DBH: variants seen among roughly 807,000 people sequenced by gnomAD.
DBH encodes dopamine beta-hydroxylase (dopamine beta-monooxygenase).
In DBH, 49 loss-of-function variants were observed where a neutral mutation model predicts 64.0. The observed-to-expected ratio is 0.77, with a 90% CI of 0.61 to 0.97. DBH has a LOEUF of 0.97. DBH is among the 50% of genes least tolerant of loss of function. The pLI is 0.00. For synonymous variants in DBH, 343 were observed against 347.1 expected (o/e 0.99, Z 0.13); for missense variants, 828 against 826.6 (o/e 1.00, Z -0.02).
intron 9 of DBH, chr9:133,655,219 C>T (rs1832301157): frequency 6.6e-6 from 1 of 152,278 alleles, no homozygotes; most frequent in Admixed American, 6.5e-5. Context: ...GGGCAGCTCC[C>T]CAGGTGGACC....
chr9:133,639,931 GCCTGAC>G lies in DBH; in HGVS notation c.430_435del (p.Thr144_Leu145del). Reference sequence around the variant, plus strand: ...CTGCAGGTGCAGAGGACCCCAGAAGGCCTGACCCTGCTTTTCAAGAGGCCCTTTGGC... The same window carrying G: ...CTGCAGGTGCAGAGGACCCCAGAAGGCCTGCTTTTCAAGAGGCCCTTTGGC... On this transcript the variant is annotated inframe_deletion, in exon 2 of 12. Transcript: ENST00000393056. 1 of 1,613,840 alleles carries G rather than the reference GCCTGAC, an allele frequency of 6.2e-7. No individual in the cohort carries two copies. The highest frequency in any genetic ancestry group is 8.5e-7 in the Non-Finnish European group (1 of 1,179,964).
intron 3 of DBH, among the ~76,000 whole-genome samples, chr9:133,642,974 G>T (rs1425528188): frequency 1.3e-5 from 2 of 152,170 alleles, no homozygotes; most frequent in Non-Finnish European, 2.9e-5. Context: ...TGAGTGTCCA[G>T]GGTCACATAG....
chr9:133,643,285 G>A lies in DBH; in HGVS notation c.745-128G>A. On this transcript the variant is annotated intron_variant, in intron 3 of 11. Coordinates refer to ENST00000393056, the MANE Select transcript of DBH (RefSeq NM_000787.4). The surrounding 1 kb of genome is among the most constrained non-coding windows in gnomAD (Gnocchi z 5.3). Reference sequence around the variant, plus strand: ...CCTCAAGGCTGTGAACCCCAGAAGTGCCCCTGAAATTGTCTGGATCATCCC... The same window carrying A: ...CCTCAAGGCTGTGAACCCCAGAAGTACCCCTGAAATTGTCTGGATCATCCC... 1 of 954,642 alleles carries A rather than the reference G, an allele frequency of 1.0e-6. No homozygotes were observed. 59.1% of individuals were successfully genotyped at this position (954,642 alleles called of 1,614,324 possible).
chr9:133,642,062 A>C, intron 2 of DBH, 145 bp from the exon 3 acceptor site: 1 of 1,171,046 alleles, frequency 8.5e-7, no homozygotes, highest in African/African-American at 1.5e-5. Context: ...AGGGCCATGC[A>C]AGCCTCAAGG....
intron 8 of DBH, 73 bp downstream of exon 8, chr9:133,652,357 C>T: frequency 6.4e-7 from 1 of 1,551,520 alleles, no homozygotes; most frequent in Non-Finnish European, 8.8e-7. Flanking sequence ...GGGGGTGCCA[C>T]CAGAAGGAGA....
intron 2 of DBH, among the ~76,000 whole-genome samples, chr9:133,641,012 T>G (rs1002355755): frequency 2.0e-5 from 3 of 152,112 alleles, no homozygotes; most frequent in Non-Finnish European, 4.4e-5. Context: ...ATTGGCCTGG[T>G]GTGTGACAGT....
intron 5 of DBH, among the ~76,000 whole-genome samples, chr9:133,645,902 G>GTT (rs1832175703): frequency 6.6e-6 from 1 of 152,168 alleles, no homozygotes; most frequent in Admixed American, 6.5e-5. Context: ...TTCCATGAAA[G>GTT]GGGTAGGTTA....
At position 133,643,424 on chromosome 9, in the gene DBH, C is replaced by G; in HGVS notation, c.756C>G (p.Ile252Met). Residue 252 changes from isoleucine (I) to methionine (M), a missense_variant, in exon 4 of 12, where the codon ATC becomes ATG. Physicochemically the swap from Ile to Met is conservative, Grantham distance 10 (BLOSUM62 1). Transcript: ENST00000393056. This position sits in a 1 kb window ranked among gnomAD's most constrained non-coding sequence, Gnocchi z 5.3. Reference sequence around the variant, plus strand: ...CTGCCTCCTCACAGTACGAGCCCATCGTCACCAAGGGCAATGAGGCCCTTG... The same window carrying G: ...CTGCCTCCTCACAGTACGAGCCCATGGTCACCAAGGGCAATGAGGCCCTTG... The part of the protein sequence containing the change: ...SRHHIIKYEP[I>M]VTKGNEALVH... The G allele has an allele frequency of 1.2e-6, 2 of 1,613,862 alleles. No homozygotes were observed. The highest frequency in any genetic ancestry group is 2.7e-5 in the African/African-American group (2 of 75,030).
In DBH at chr9:133,642,468, C is replaced by G. The variant is rs201256789; in HGVS notation, c.744+4C>G. On this transcript the variant is annotated splice_donor_region_variant and intron_variant, in intron 3 of 11. Coordinates refer to ENST00000393056, the MANE Select transcript of DBH (RefSeq NM_000787.4). ...CTCTCGGCACCACATTATCAAGGTA[C>G]GTGCGGGTCCAGGGCCGAGGTCCTC... is the stretch of plus-strand genomic sequence containing the variant. The G allele has an allele frequency of 6.2e-7, 1 of 1,603,938 alleles. No individual in the cohort carries two copies. Among genetic ancestry groups the G allele is most frequent in the Non-Finnish European group, 8.5e-7 (1 of 1,175,394 alleles).
chr9:133,655,778 G>T (rs1318883960), intron 9 of DBH: 2 of 152,508 alleles, frequency 1.3e-5, no homozygotes, highest in South Asian at 2.1e-4. Context: ...GCTGCCGGGG[G>T]AGCTTTGCTC....
chr9:133,653,141 A>G (rs1832272254), intron 9 of DBH, 142 bp downstream of exon 9: 2 of 727,190 alleles, frequency 2.8e-6, no homozygotes, highest in South Asian at 3.0e-5. Flanking sequence ...AGCTCCCTGA[A>G]CCACAGTGGC....
intron 1 of DBH, 149 bp from the exon 2 acceptor site, chr9:133,639,697 C>A: frequency 2.4e-6 from 2 of 835,838 alleles, no homozygotes; most frequent in Non-Finnish European, 1.9e-6. Context: ...CAGCCCCAGG[C>A]AGAACCCTCA....
Position 133,639,049 on chromosome 9 carries a change from C to G in DBH, c.340-797C>G, listed in dbSNP as rs991092806. On this transcript the variant is annotated intron_variant, in intron 1 of 11. Transcript: ENST00000393056. ...TGGGCCTCAGTTTACCTTCTCCAAGCAGGGCTGGGACTAAGGTGAGGGGAA... is the reference window on the plus strand; with the variant it reads ...TGGGCCTCAGTTTACCTTCTCCAAGGAGGGCTGGGACTAAGGTGAGGGGAA... 5.3e-5 allele frequency among the ~76,000 whole-genome samples: 8 copies of G among 152,120 alleles called. No individual in the cohort carries two copies. The East Asian group carries it at 5.8e-4, about 11-fold the overall frequency.
Position 133,636,622 on chromosome 9 carries a change from G to C in DBH, c.251G>C (p.Gly84Ala). The change falls in exon 1 of 12, where the codon GGC becomes GCC. Residue 84 changes from glycine (G) to alanine (A), a missense_variant. Gly to Ala is a moderately conservative substitution (Grantham distance 60, BLOSUM62 0). Coordinates refer to ENST00000393056, the MANE Select transcript of DBH (RefSeq NM_000787.4). ...FQLLVRRLKA[G>A]VLFGMSDRGE... ...CTCCTGGTGCGGAGGCTCAAGGCTG[G>C]CGTCCTGTTTGGGATGTCCGACCGT... 6.2e-7 allele frequency: 1 copy of C among 1,613,482 alleles called. No homozygotes were observed. Among genetic ancestry groups the C allele is most frequent in the Non-Finnish European group, 8.5e-7 (1 of 1,180,018 alleles).
chr9:133,658,651 T>C lies in DBH; in HGVS notation c.*204T>C. ...CATGGCTGAGAGGGTGTGGGTGCCC[T>C]GTTGACCTACCCTGGACCGAGTGGA... On this transcript the variant is annotated 3_prime_UTR_variant, in exon 12 of 12. Coordinates refer to ENST00000393056, the MANE Select transcript of DBH (RefSeq NM_000787.4). The C allele has an allele frequency of 1.7e-6, 1 of 583,662 alleles. No homozygotes were observed. 36.2% of individuals were successfully genotyped at this position (583,662 alleles called of 1,614,324 possible). A position where few individuals can be genotyped will look rare whatever the true frequency, so the allele number is the denominator to read the frequency against.
At chr9:133,638,568 G>A (rs557133174) in intron 1 of DBH, among the ~76,000 whole-genome samples, 1 of 152,262 alleles carries the variant, frequency 6.6e-6, no homozygotes, top group South Asian at 2.1e-4. Context: ...TAGTTGCCTG[G>A]TTCCTGGCCC....
chr9:133,647,058 G>A (rs1263791934), intron 5 of DBH, among the ~76,000 whole-genome samples: 1 of 152,154 alleles, frequency 6.6e-6, no homozygotes, highest in Admixed American at 6.5e-5. Context: ...CACACAGCAC[G>A]CTGTTGACCA....
At position 133,648,010 on chromosome 9, in the gene DBH, C is replaced by A; in HGVS notation, c.1189C>A (p.Leu397Met). Residue 397 changes from leucine to methionine, a missense_variant and splice_region_variant, in exon 6 of 12, where the codon CTG becomes ATG. Transcript: ENST00000393056. ...TGYCTDKCTQ[L>M]ALPPSGIHIF... Reference sequence around the variant, plus strand: ...CTACTGCACGGACAAGTGCACCCAGCTGGTGAGTGGGGCTGGGCCCGGCAC... The same window carrying A: ...CTACTGCACGGACAAGTGCACCCAGATGGTGAGTGGGGCTGGGCCCGGCAC... 1 of 1,611,748 alleles carries A rather than the reference C, an allele frequency of 6.2e-7. No individual in the cohort carries two copies. The highest frequency in any genetic ancestry group is 8.5e-7 in the Non-Finnish European group (1 of 1,179,510).
chr9:133,636,715 G>C lies in DBH; in HGVS notation c.339+5G>C. On this transcript the variant is annotated splice_donor_5th_base_variant and intron_variant, in intron 1 of 11. Coordinates refer to ENST00000393056, the MANE Select transcript of DBH (RefSeq NM_000787.4). The stretch of plus-strand genomic sequence containing the variant: ...GGGGACACTGCCTATTTTGCGGTGA[G>C]TCTCTCCTCCCTGCCAGCTCTCCAA... 1 of 1,600,148 alleles carries C rather than the reference G, an allele frequency of 6.2e-7. No homozygotes were observed. Among genetic ancestry groups the C allele is most frequent in the Non-Finnish European group, 8.5e-7 (1 of 1,179,582 alleles).
Sources: allele counts gnomAD v4.1 joint callset (sites outside exome capture counted in the v4.1 genomes callset), GRCh38; gene constraint gnomAD v4.1.1; non-coding constraint Gnocchi (gnomAD v3.1); transcripts MANE v1.5; gene names NCBI Gene and HGNC (gene_info 2026-07-23, HGNC 2026-07-21).